Variants in TCERG1L observed in about 807,000 individuals in gnomAD.
TCERG1L encodes transcription elongation regulator 1 like.
TCERG1L carries 37 observed loss-of-function variants against 56.3 expected under a neutral mutation model. The observed-to-expected ratio is 0.66, with a 90% CI of 0.51 to 0.87. The LOEUF is 0.87. Among genes scored for constraint, TCERG1L ranks in the 40% least tolerant of loss-of-function variants. The pLI is 0.00. For missense variants in TCERG1L, 799 were observed against 774.2 expected (o/e 1.03, Z -0.38); for synonymous variants, 324 against 326.3 (o/e 0.99, Z 0.08).
rs531017162 is a variant in TCERG1L at position 131,267,581 on chromosome 10, C to T, written c.671-7137G>A. 1.6e-4 allele frequency among the ~76,000 whole-genome samples: 24 copies of T among 152,314 alleles called. No homozygotes were observed. The South Asian group carries it at 4.6e-3, about 29-fold the overall frequency. On this transcript the variant is annotated intron_variant, in intron 3 of 11. Transcript: ENST00000368642. The surrounding 1 kb of genome is among the most constrained non-coding windows in gnomAD (Gnocchi z 4.9). The stretch of plus-strand genomic sequence containing the variant: ...GTGGTGGCCCTTGCACAAGTGAACC[C>T]GATGTTCCTGGGGCTGGTCCCATGA...
At chr10:131,096,365 A>G (rs1388184952) in intron 11 of TCERG1L, among the ~76,000 whole-genome samples, 1 of 152,228 alleles carries the variant, frequency 6.6e-6, no homozygotes, top group Non-Finnish European at 1.5e-5. Context: ...TAACAATGGA[A>G]AATCACAAGT....
At chr10:131,166,433 A>G (rs1846031234) in intron 5 of TCERG1L, among the ~76,000 whole-genome samples, 1 of 152,248 alleles carries the variant, frequency 6.6e-6, no homozygotes, top group Non-Finnish European at 1.5e-5. Flanking sequence ...GAAGAGAAAG[A>G]CCTGAAATTA....
chr10:131,188,977 G>C (rs565016792), intron 4 of TCERG1L, among the ~76,000 whole-genome samples: 1 of 151,848 alleles, frequency 6.6e-6, no homozygotes, highest in Non-Finnish European at 1.5e-5. Context: ...TACTTTCTTT[G>C]CACCTTTAAA....
intron 8 of TCERG1L, among the ~76,000 whole-genome samples, chr10:131,126,730 C>T (rs113145463): frequency 3.3e-5 from 5 of 152,322 alleles, no homozygotes; most frequent in Middle Eastern, 3.4e-3. Context: ...TGGGAACTCA[C>T]GCTGGTGGCT....
At chr10:131,223,578 C>T (rs1458403456) in intron 4 of TCERG1L, among the ~76,000 whole-genome samples, 1 of 135,610 alleles carries the variant, frequency 7.4e-6, no homozygotes, top group East Asian at 3.5e-4. Flanking sequence ...AAAAATAAAA[C>T]AAAGCACATG....
intron 3 of TCERG1L, among the ~76,000 whole-genome samples, chr10:131,283,801 T>A (rs1846490214): frequency 6.6e-6 from 1 of 152,132 alleles, no homozygotes; most frequent in Admixed American, 6.5e-5. Context: ...CTAAAGAGAT[T>A]GCTTAGAATG....
chr10:131,134,590 C>G lies in TCERG1L; in HGVS notation c.1190-142G>C, dbSNP rs977000398. The G allele has an allele frequency of 7.5e-6, 5 of 665,198 alleles. No homozygotes were observed. The South Asian group carries it at 9.3e-5, about 12-fold the overall frequency. 41.2% of individuals were successfully genotyped at this position (665,198 alleles called of 1,614,324 possible). ...TCTTAAAGATTGATGTGAAATCCTA[C>G]GAGTTTCCTCTTGGCACACATGCTT... is the stretch of plus-strand genomic sequence containing the variant. On this transcript the variant is annotated intron_variant, in intron 7 of 11. Coordinates refer to ENST00000368642, the MANE Select transcript of TCERG1L (RefSeq NM_174937.4).
Position 131,274,484 on chromosome 10 carries a change from C to T in TCERG1L, c.671-14040G>A, listed in dbSNP as rs116961938. On this transcript the variant is annotated intron_variant, in intron 3 of 11. Transcript: ENST00000368642. ...GAAGGAAGTGTGAAGGTGACTTTCC[C>T]AGGCACATCCCTTTCATTTCATCTG... 1.6e-4 allele frequency among the ~76,000 whole-genome samples: 24 copies of T among 152,346 alleles called. No individual in the cohort carries two copies. In the East Asian group the frequency reaches 4.4e-3, roughly 28 times the overall value.
At chr10:131,269,343 T>C (rs948544689) in intron 3 of TCERG1L, among the ~76,000 whole-genome samples, 3 of 152,156 alleles carry the variant, frequency 2.0e-5, no homozygotes, top group Non-Finnish European at 4.4e-5. Context: ...CCTGCCACCA[T>C]GCCTGGCTCA....
At chr10:131,236,544 T>C (rs1370749921) in intron 4 of TCERG1L, among the ~76,000 whole-genome samples, 1 of 152,198 alleles carries the variant, frequency 6.6e-6, no homozygotes, top group Non-Finnish European at 1.5e-5. Flanking sequence ...TTCACCAACG[T>C]CACTGAATCT....
At chr10:131,208,645 C>T (rs540350069) in intron 4 of TCERG1L, among the ~76,000 whole-genome samples, 7 of 152,182 alleles carry the variant, frequency 4.6e-5, no homozygotes, top group African/African-American at 1.2e-4. Flanking sequence ...GTAGGTTGAG[C>T]GCTTCTAACC....
At chr10:131,182,413 A>G (rs1230697323) in intron 4 of TCERG1L, among the ~76,000 whole-genome samples, 1 of 152,236 alleles carries the variant, frequency 6.6e-6, no homozygotes, top group Admixed American at 6.5e-5. Flanking sequence ...AACTAATTTA[A>G]AAGAAATAAA....
chr10:131,170,410 C>A (rs1415394175), intron 4 of TCERG1L, among the ~76,000 whole-genome samples: 1 of 152,022 alleles, frequency 6.6e-6, no homozygotes, highest in African/African-American at 2.4e-5. Flanking sequence ...CGCTAAAGTA[C>A]TTCGGGGAGC....
At chr10:131,309,366 C>G in intron 1 of TCERG1L, 67 bp from the exon 2 acceptor site, 1 of 1,537,168 alleles carries the variant, frequency 6.5e-7, no homozygotes, top group Non-Finnish European at 8.7e-7. Flanking sequence ...CATGCCAAAA[C>G]ATGCTGGAAT....
intron 3 of TCERG1L, among the ~76,000 whole-genome samples, chr10:131,273,532 C>CA (rs1290083524): frequency 6.6e-6 from 1 of 152,240 alleles, no homozygotes; most frequent in Non-Finnish European, 1.5e-5. Context: ...AGGTGACTCT[C>CA]AAAGTGAAAC....
At chr10:131,202,069 T>C (rs551893861) in intron 4 of TCERG1L, among the ~76,000 whole-genome samples, 1 of 152,296 alleles carries the variant, frequency 6.6e-6, no homozygotes, top group Non-Finnish European at 1.5e-5. Flanking sequence ...GACAAACTAA[T>C]TAAGAGTCTC....
intron 4 of TCERG1L, among the ~76,000 whole-genome samples, chr10:131,173,998 C>G (rs1846119177): frequency 6.6e-6 from 1 of 152,186 alleles, no homozygotes; most frequent in Non-Finnish European, 1.5e-5. Context: ...AGCCCCTCCC[C>G]CAGCAGGGCT....
intron 4 of TCERG1L, among the ~76,000 whole-genome samples, chr10:131,177,341 T>G (rs1845113564): frequency 6.6e-6 from 1 of 152,264 alleles, no homozygotes; most frequent in Non-Finnish European, 1.5e-5. Context: ...ATAAAGGCAT[T>G]GCTCACAAGC....
intron 8 of TCERG1L, among the ~76,000 whole-genome samples, chr10:131,122,204 C>T (rs562021402): frequency 1.9e-4 from 29 of 152,286 alleles, no homozygotes; most frequent in African/African-American, 5.5e-4. Context: ...ATTCTTGGAA[C>T]GTCCTAAGCA....
Sources: allele counts gnomAD v4.1 joint callset (sites outside exome capture counted in the v4.1 genomes callset), GRCh38; gene constraint gnomAD v4.1.1; non-coding constraint Gnocchi (gnomAD v3.1); transcripts MANE v1.5; gene names NCBI Gene and HGNC (gene_info 2026-07-23, HGNC 2026-07-21).